The following C1QTNF7 variants were observed in gnomAD, a reference collection of about 807,000 sequenced individuals.
C1QTNF7 encodes complement C1q tumor necrosis factor-related protein 7.
In C1QTNF7, 15 loss-of-function variants were observed where a neutral mutation model predicts 19.6. That is an observed-to-expected ratio of 0.76 (90% CI 0.51 to 1.18). The LOEUF (loss-of-function observed/expected upper bound fraction) is 1.18, where lower values mean the gene tolerates loss of function less well. C1QTNF7 is among the 50% of genes most tolerant of loss of function. The pLI is 0.00. For missense variants in C1QTNF7, 324 were observed against 359.7 expected (o/e 0.90, Z 0.80); for synonymous variants, 142 against 137.5 (o/e 1.03, Z -0.23).
chr4:15,381,146 G>A (rs922371694), intron 1 of C1QTNF7, among the ~76,000 whole-genome samples: 8 of 151,806 alleles, frequency 5.3e-5, no homozygotes, highest in East Asian at 1.9e-4. Context: ...GGCCAGGCAC[G>A]GTGGCTCACA....
intron 1 of C1QTNF7, among the ~76,000 whole-genome samples, chr4:15,349,406 C>T (rs2109285322): frequency 6.6e-6 from 1 of 152,222 alleles, no homozygotes; most frequent in Non-Finnish European, 1.5e-5. Flanking sequence ...AGCACAGTGC[C>T]CGGGATATAG....
chr4:15,408,734 T>C (rs914397168), intron 1 of C1QTNF7, among the ~76,000 whole-genome samples: 3 of 152,098 alleles, frequency 2.0e-5, no homozygotes, highest in Admixed American at 1.3e-4. Context: ...GACTATCTCA[T>C]AGTCTGAAAA....
chr4:15,370,091 C>A (rs546748879), intron 1 of C1QTNF7, among the ~76,000 whole-genome samples: 1 of 151,932 alleles, frequency 6.6e-6, no homozygotes, highest in South Asian at 2.1e-4. Flanking sequence ...GTACTCATGT[C>A]GATTTTTTTT....
rs61609914 is a variant in C1QTNF7 at position 15,420,826 on chromosome 4, C to CTTTTTTTTTTTTTTT, written c.14-14895_14-14881dup. On this transcript the variant is annotated intron_variant, in intron 1 of 2. Transcript: ENST00000295297. ...CTAGGGTAACATTCCACTGCTTTGTCTTTTTTTTTTTTTTTTTTTTTTTTT... is the reference window on the plus strand; with the variant it reads ...CTAGGGTAACATTCCACTGCTTTGTCTTTTTTTTTTTTTTTTTTTTTTTTTTTTTTTTTTTTTTTT... 1.8e-4 allele frequency among the ~76,000 whole-genome samples: 12 copies of CTTTTTTTTTTTTTTT among 66,244 alleles called. 1 individual carries two copies. Among genetic ancestry groups the CTTTTTTTTTTTTTTT allele is most frequent in the African/African-American group, 5.6e-4 (9 of 16,200 alleles). 43.5% of individuals were successfully genotyped at this position (66,244 alleles called of 152,430 possible).
At chr4:15,398,933 CCT>C (rs1450903956) in intron 1 of C1QTNF7, among the ~76,000 whole-genome samples, 3 of 152,122 alleles carry the variant, frequency 2.0e-5, no homozygotes, top group Non-Finnish European at 4.4e-5. Flanking sequence ...TTGCCTCTCC[CCT>C]GATTCTTCCC....
At chr4:15,369,427 A>C (rs1717643170) in intron 1 of C1QTNF7, among the ~76,000 whole-genome samples, 1 of 152,152 alleles carries the variant, frequency 6.6e-6, no homozygotes, top group Non-Finnish European at 1.5e-5. Flanking sequence ...TATTATTTCT[A>C]ATGGCCCTTG....
At chr4:15,410,021 A>C (rs1363798491) in intron 1 of C1QTNF7, among the ~76,000 whole-genome samples, 3 of 152,204 alleles carry the variant, frequency 2.0e-5, no homozygotes, top group Non-Finnish European at 4.4e-5. Flanking sequence ...TAAAGCCAGA[A>C]AGTGTATGTG....
upstream of C1QTNF7, among the ~76,000 whole-genome samples, chr4:15,425,943 C>T (rs1042897659): frequency 5.3e-5 from 8 of 152,148 alleles, no homozygotes; most frequent in African/African-American, 1.9e-4. Context: ...AACTTTCCAA[C>T]TCTGCATTCA....
intron 1 of C1QTNF7, among the ~76,000 whole-genome samples, chr4:15,422,212 A>T (rs201298790): frequency 0.12 from 12,885 of 111,858 alleles, 604 homozygotes; most frequent in East Asian, 0.35. Flanking sequence ...TTTTTTTTTA[A>T]AAAAAAAAAA....
At chr4:15,436,009 C>T (rs1432818065) in intron 2 of C1QTNF7, 28 bp downstream of exon 2, 1 of 1,595,186 alleles carries the variant, frequency 6.3e-7, no homozygotes, top group African/African-American at 1.4e-5. Context: ...GCATAAAACA[C>T]CCTCCTTCAC....
chr4:15,428,015 T>G, upstream of C1QTNF7: 1 of 985,246 alleles, frequency 1.0e-6, no homozygotes, highest in Non-Finnish European at 1.2e-6. Context: ...TTCTGTCTGG[T>G]ACCAAAGCAA....
chr4:15,437,013 C>T (rs1239056877), intron 2 of C1QTNF7, among the ~76,000 whole-genome samples: 2 of 152,076 alleles, frequency 1.3e-5, no homozygotes, highest in Admixed American at 6.5e-5. Flanking sequence ...GATAAAGAAC[C>T]TTTAGGGAAA....
At chr4:15,436,680 A>G (rs926854823) in intron 2 of C1QTNF7, among the ~76,000 whole-genome samples, 2 of 152,194 alleles carry the variant, frequency 1.3e-5, no homozygotes, top group African/African-American at 2.4e-5. Context: ...TCGCAAAATA[A>G]GTTGGTCCGG....
At chr4:15,431,092 AG>A (rs1712288548) in intron 1 of C1QTNF7, among the ~76,000 whole-genome samples, 3 of 151,532 alleles carry the variant, frequency 2.0e-5, no homozygotes, top group Admixed American at 2.0e-4. Flanking sequence ...ATAGATAGAT[AG>A]ATAGATAGAT....
chr4:15,343,719 AAAG>A (rs1187456820), intron 1 of C1QTNF7, among the ~76,000 whole-genome samples: 1 of 152,216 alleles, frequency 6.6e-6, no homozygotes, highest in African/African-American at 2.4e-5. Flanking sequence ...GTGGGAATTC[AAAG>A]AAGACAAGAC....
At chr4:15,353,781 A>AT (rs1434565613) in intron 1 of C1QTNF7, among the ~76,000 whole-genome samples, 1 of 152,074 alleles carries the variant, frequency 6.6e-6, no homozygotes, top group African/African-American at 2.4e-5. Flanking sequence ...AAAAAAAAAA[A>AT]ATCTGGACAA....
At chr4:15,372,936 GAA>G (rs10709523) in intron 1 of C1QTNF7, among the ~76,000 whole-genome samples, 1 of 151,856 alleles carries the variant, frequency 6.6e-6, no homozygotes, top group African/African-American at 2.4e-5. Context: ...GGAAAAGGGG[GAA>G]AAAAAGTCAA....
chr4:15,400,661 C>A (rs1172479114), intron 1 of C1QTNF7, among the ~76,000 whole-genome samples: 1 of 152,214 alleles, frequency 6.6e-6, no homozygotes, highest in Non-Finnish European at 1.5e-5. Context: ...TCCCAGGCTT[C>A]CTAATGTTTG....
At chr4:15,403,514 G>A (rs1051820900) in intron 1 of C1QTNF7, among the ~76,000 whole-genome samples, 8 of 152,116 alleles carry the variant, frequency 5.3e-5, no homozygotes, top group African/African-American at 7.2e-5. Context: ...TTCTGGGATC[G>A]TAGGCACAAC....
Sources: allele counts gnomAD v4.1 joint callset (sites outside exome capture counted in the v4.1 genomes callset), GRCh38; gene constraint gnomAD v4.1.1; transcripts MANE v1.5; gene names NCBI Gene and HGNC (gene_info 2026-07-23, HGNC 2026-07-21).